ACACA: variants seen among roughly 807,000 people sequenced by gnomAD.
The protein encoded by ACACA is acetyl-CoA carboxylase 1.
Under a neutral mutation model 296.1 loss-of-function variants are expected in ACACA, and 103 were observed. The observed-to-expected ratio is 0.35, with a 90% CI of 0.30 to 0.41. The LOEUF (loss-of-function observed/expected upper bound fraction) is 0.41. ACACA is among the 10% of genes least tolerant of loss of function. ACACA has a pLI of 1.00. For synonymous variants in ACACA, 953 were observed against 1,038.6 expected (o/e 0.92, Z 1.58); for missense variants, 1,554 against 2,989.7 (o/e 0.52, Z 11.20).
At chr17:37,309,784 G>A (rs932753132) in intron 3 of ACACA, among the ~76,000 whole-genome samples, 1 of 152,082 alleles carries the variant, frequency 6.6e-6, no homozygotes, top group East Asian at 1.9e-4. Flanking sequence ...AGGTGTGGTG[G>A]CTTACACCTG....
chr17:37,114,477 G>A (rs566208045), intron 50 of ACACA, among the ~76,000 whole-genome samples: 2 of 150,868 alleles, frequency 1.3e-5, no homozygotes, highest in African/African-American at 4.9e-5. Context: ...CCTGCAGTGA[G>A]CTGTGATCAT....
intron 3 of ACACA, among the ~76,000 whole-genome samples, chr17:37,309,186 T>C (rs1300499255): frequency 3.3e-5 from 5 of 152,022 alleles, no homozygotes; most frequent in Admixed American, 6.6e-5. Flanking sequence ...CATGCCCAGC[T>C]ATTAAAAAAA....
intron 52 of ACACA, among the ~76,000 whole-genome samples, chr17:37,106,282 G>A (rs906727457): frequency 2.0e-5 from 3 of 152,148 alleles, no homozygotes; most frequent in Admixed American, 6.5e-5. Flanking sequence ...ATTTTATGAG[G>A]AACCCTGCAG....
chr17:37,303,712 C>T (rs2083738161), intron 3 of ACACA, among the ~76,000 whole-genome samples: 1 of 152,058 alleles, frequency 6.6e-6, no homozygotes, highest in African/African-American at 2.4e-5. Context: ...ACAAAAATTA[C>T]CTGGGCATGG....
rs188687559 is a variant in ACACA, at chr17:37,274,114, G to A, written c.1008+79C>T. ...TAACACCACCTTGGGTATATATCACGAGCCAGGCTCCCAATCTCCACATTT... is the reference window on the plus strand; with the variant it reads ...TAACACCACCTTGGGTATATATCACAAGCCAGGCTCCCAATCTCCACATTT... On this transcript the variant is annotated intron_variant, in intron 9 of 55. Coordinates refer to ENST00000616317, the MANE Select transcript of ACACA (RefSeq NM_198834.3). The A allele has an allele frequency of 1.8e-4, 223 of 1,253,820 alleles. No individual in the cohort carries two copies. In the African/African-American group the frequency reaches 3.0e-3, roughly 17 times the overall value. The allele number at this position is 1,253,820 out of a possible 1,614,324, so 77.7% of individuals were successfully genotyped here.
rs1465097608 is a variant in ACACA, at chr17:37,167,031, A to T, written c.5080-4981T>A. Among the ~76,000 whole-genome samples, 3 of 147,864 alleles carry T rather than the reference A, an allele frequency of 2.0e-5. No homozygotes were observed. In the East Asian group the frequency reaches 6.0e-4, roughly 30 times the overall value. Reference sequence around the variant, plus strand: ...GTGATCTCGGGTCACTACAACCTCCACCTCCCGAGTTCAAGCAATTCTCCT... The same window carrying T: ...GTGATCTCGGGTCACTACAACCTCCTCCTCCCGAGTTCAAGCAATTCTCCT... On this transcript the variant is annotated intron_variant, in intron 41 of 55. Transcript: ENST00000616317.
intron 24 of ACACA, 41 bp from the exon 25 acceptor site, chr17:37,235,140 A>C (rs370438522): frequency 1.9e-4 from 308 of 1,610,302 alleles, no homozygotes; most frequent in Non-Finnish European, 2.5e-4. Context: ...CCATGTATAA[A>C]TGTTCACATT....
intron 1 of ACACA, chr17:37,379,012 G>C: frequency 1.7e-6 from 2 of 1,179,808 alleles, no homozygotes; most frequent in Non-Finnish European, 2.3e-6. Flanking sequence ...TTTGAGGCTG[G>C]AGTGAGCCAT....
At chr17:37,335,830 T>A (rs1002031590) in intron 2 of ACACA, among the ~76,000 whole-genome samples, 6 of 152,226 alleles carry the variant, frequency 3.9e-5, no homozygotes, top group African/African-American at 1.4e-4. Flanking sequence ...AGCTTTAGAC[T>A]TGCTAACCGC....
intron 41 of ACACA, among the ~76,000 whole-genome samples, chr17:37,172,810 C>T (rs1041473147): frequency 6.6e-6 from 1 of 152,154 alleles, no homozygotes; most frequent in African/African-American, 2.4e-5. Context: ...AAACATTCTC[C>T]TATCTTTAGG....
At chr17:37,175,096 A>G (rs954263443) in intron 41 of ACACA, among the ~76,000 whole-genome samples, 7 of 152,194 alleles carry the variant, frequency 4.6e-5, no homozygotes, top group Middle Eastern at 3.2e-3. Context: ...TAAAGTTACT[A>G]TGGTAGTTGA....
chr17:37,269,834 G>A (rs1206729771), intron 10 of ACACA, among the ~76,000 whole-genome samples: 1 of 151,300 alleles, frequency 6.6e-6, no homozygotes, highest in Non-Finnish European at 1.5e-5. Flanking sequence ...AGAAGATGAT[G>A]AGGAAACTAT....
chr17:37,169,081 C>A (rs2076792677), intron 41 of ACACA, among the ~76,000 whole-genome samples: 1 of 152,186 alleles, frequency 6.6e-6, no homozygotes, highest in African/African-American at 2.4e-5. Flanking sequence ...GGAAGGTACT[C>A]ATTCACCCAC....
chr17:37,218,954 A>G (rs549175070), intron 29 of ACACA, among the ~76,000 whole-genome samples: 1 of 152,208 alleles, frequency 6.6e-6, no homozygotes, highest in Non-Finnish European at 1.5e-5. Flanking sequence ...AGAGAGACTA[A>G]ATCCTTATAA....
Position 37,177,644 on chromosome 17 carries a change from A to G in ACACA, c.5079+1616T>C, listed in dbSNP as rs1161386737. Among the ~76,000 whole-genome samples the G allele has an allele frequency of 5.3e-5, 8 of 152,222 alleles. No homozygotes were observed. In the East Asian group the frequency reaches 1.5e-3, roughly 29 times the overall value. ...GGTGCCTTCCATTCCTGAAGACTAC[A>G]CTGTTCAATGAATCAGAATTTAAGT... On this transcript the variant is annotated intron_variant, in intron 41 of 55. Transcript: ENST00000616317.
chr17:37,406,367 A>C lies in ACACA; in HGVS notation c.-68T>G. On this transcript the variant is annotated 5_prime_UTR_variant, in exon 1 of 56. Coordinates refer to ENST00000616317, the MANE Select transcript of ACACA (RefSeq NM_198834.3). ...GAGGGGATGGTTCTTTCCAAAGAAG[A>C]CAATTTCGACGTTCCAGGAGCATCT... is the stretch of plus-strand genomic sequence containing the variant. 2 of 1,556,998 alleles carry C rather than the reference A, an allele frequency of 1.3e-6. No homozygotes were observed. Among genetic ancestry groups the C allele is most frequent in the South Asian group, 1.1e-5 (1 of 89,998 alleles).
chr17:37,261,584 A>G (rs1053930850), intron 11 of ACACA, among the ~76,000 whole-genome samples: 12 of 152,222 alleles, frequency 7.9e-5, no homozygotes, highest in African/African-American at 2.9e-4. Context: ...CATAGTCTCC[A>G]AAGCCCAACT....
At chr17:37,360,717 G>T (rs1008007257) in intron 1 of ACACA, among the ~76,000 whole-genome samples, 3 of 152,160 alleles carry the variant, frequency 2.0e-5, no homozygotes, top group African/African-American at 7.2e-5. Flanking sequence ...TGGAAGCAGA[G>T]AACTTAGGAA....
At chr17:37,322,817 C>T (rs956167573) in intron 3 of ACACA, among the ~76,000 whole-genome samples, 5 of 152,180 alleles carry the variant, frequency 3.3e-5, no homozygotes, top group African/African-American at 1.2e-4. Flanking sequence ...CCTCCAGGAG[C>T]CCTGATTCCT....
Sources: gnomAD v4.1 joint callset for allele counts (sites outside exome capture counted in the v4.1 genomes callset) on GRCh38, gnomAD v4.1.1 for gene constraint, MANE v1.5 for transcripts, NCBI Gene and HGNC (gene_info 2026-07-23, HGNC 2026-07-21) for gene names.